ERC1: variants seen among roughly 807,000 people sequenced by gnomAD.
ERC1 encodes the protein RAB6 interacting protein 2.
Under a neutral mutation model 132.0 loss-of-function variants are expected in ERC1, and 56 were observed. The ratio of observed to expected loss-of-function variants is 0.42; its 90% CI spans 0.34 to 0.53. The LOEUF is 0.53. Ranked by LOEUF, ERC1 falls within the 20% of genes least tolerant of loss-of-function variation. ERC1 has a pLI of 0.03. For synonymous variants in ERC1, 478 were observed against 476.1 expected (o/e 1.00, Z -0.05); for missense variants, 1,202 against 1,349.9 (o/e 0.89, Z 1.72).
intron 14 of ERC1, among the ~76,000 whole-genome samples, chr12:1,283,949 T>C (rs553880231): frequency 6.6e-6 from 1 of 152,298 alleles, no homozygotes; most frequent in East Asian, 1.9e-4. Context: ...AAATTCACAA[T>C]AAATGATTTA....
intron 15 of ERC1, among the ~76,000 whole-genome samples, chr12:1,343,617 T>G (rs2084131178): frequency 1.3e-5 from 2 of 152,182 alleles, no homozygotes; most frequent in African/African-American, 4.8e-5. Context: ...TTTTCATCAG[T>G]CGTTCACTTA....
At chr12:1,188,967 CTG>C (rs1246528975) in intron 11 of ERC1, among the ~76,000 whole-genome samples, 1 of 152,160 alleles carries the variant, frequency 6.6e-6, no homozygotes, top group Non-Finnish European at 1.5e-5. Context: ...ATTATTGAAA[CTG>C]TTTTGTATTC....
chr12:1,347,406 T>C (rs1490470650), intron 15 of ERC1, among the ~76,000 whole-genome samples: 1 of 151,770 alleles, frequency 6.6e-6, no homozygotes, highest in Non-Finnish European at 1.5e-5. Context: ...TTTTGAAATA[T>C]GTATATTTTG....
intron 3 of ERC1, among the ~76,000 whole-genome samples, chr12:1,096,196 T>C (rs1944019098): frequency 1.3e-5 from 2 of 152,280 alleles, no homozygotes; most frequent in South Asian, 4.2e-4. Context: ...CCAAAGTGTT[T>C]GGATTACAGG....
chr12:1,381,487 C>A (rs1240001218), intron 16 of ERC1, among the ~76,000 whole-genome samples: 2 of 152,116 alleles, frequency 1.3e-5, no homozygotes, highest in Non-Finnish European at 2.9e-5. Flanking sequence ...ACGTGAGCCA[C>A]CACAGCCGTC....
At chr12:1,402,635 A>AC (rs200706846) in intron 16 of ERC1, among the ~76,000 whole-genome samples, 1 of 134,684 alleles carries the variant, frequency 7.4e-6, no homozygotes, top group African/African-American at 4.0e-5. Context: ...ACACACACAC[A>AC]CACACACACA....
At chr12:1,111,615 T>G (rs895304646) in intron 5 of ERC1, among the ~76,000 whole-genome samples, 1 of 152,106 alleles carries the variant, frequency 6.6e-6, no homozygotes, top group African/African-American at 2.4e-5. Flanking sequence ...AACTTTTTTT[T>G]TTTTTCTTTT....
chr12:1,185,031 C>T (rs924084662), intron 11 of ERC1, among the ~76,000 whole-genome samples: 6 of 152,168 alleles, frequency 3.9e-5, no homozygotes, highest in African/African-American at 1.4e-4. Context: ...CTGCCTCAGC[C>T]TCCAGAGTAG....
chr12:1,217,893 T>A (rs1444547470), intron 12 of ERC1, among the ~76,000 whole-genome samples: 1 of 152,200 alleles, frequency 6.6e-6, no homozygotes, highest in Non-Finnish European at 1.5e-5. Flanking sequence ...CTTCCTACAC[T>A]GCCTCTGCCC....
At chr12:1,179,012 T>C (rs1193478519) in intron 8 of ERC1, among the ~76,000 whole-genome samples, 1 of 152,250 alleles carries the variant, frequency 6.6e-6, no homozygotes, top group African/African-American at 2.4e-5. Context: ...TTCCTTTAGC[T>C]TATTAAGGAT....
Position 1,408,403 on chromosome 12 carries a change from A to G in ERC1, c.3024+156A>G, listed in dbSNP as rs529093495. ...AAACTCTACTCTTTTCAAAAAAATC[A>G]CAGATTCAGTTTCTTTATAGGAAGA... On this transcript the variant is annotated intron_variant, in intron 17 of 18. Transcript: ENST00000360905. Among the ~76,000 whole-genome samples, 15 of 149,712 alleles carry G rather than the reference A, an allele frequency of 1.0e-4. No homozygotes were observed. In the East Asian group the frequency reaches 2.7e-3, roughly 27 times the overall value.
chr12:1,132,650 A>C (rs943226378), intron 7 of ERC1, among the ~76,000 whole-genome samples: 7 of 152,144 alleles, frequency 4.6e-5, no homozygotes, highest in African/African-American at 1.7e-4. Context: ...CATCAGAATG[A>C]AAAACACTTA....
At chr12:1,441,813 C>T (rs541874551) in intron 17 of ERC1, among the ~76,000 whole-genome samples, 1 of 152,256 alleles carries the variant, frequency 6.6e-6, no homozygotes, top group Non-Finnish European at 1.5e-5. Context: ...GTAACAGAAC[C>T]GTGATGAGAC....
chr12:1,487,822 G>A (rs76023371), intron 18 of ERC1, among the ~76,000 whole-genome samples: 7,769 of 148,772 alleles, frequency 0.052, 657 homozygotes, highest in African/African-American at 0.18. Context: ...GAGAGAGAGA[G>A]AGAAAGAAAA....
intron 1 of ERC1, among the ~76,000 whole-genome samples, chr12:1,005,595 A>G (rs923207843): frequency 6.6e-6 from 1 of 152,174 alleles, no homozygotes; most frequent in African/African-American, 2.4e-5. Context: ...ACTGTAGTCA[A>G]TTTTATAGTA....
chr12:1,320,923 G>A (rs543681298), intron 15 of ERC1, among the ~76,000 whole-genome samples: 2 of 152,134 alleles, frequency 1.3e-5, no homozygotes, highest in Non-Finnish European at 2.9e-5. Context: ...GGATGGTCTT[G>A]ATCTCCTGAC....
intron 8 of ERC1, among the ~76,000 whole-genome samples, chr12:1,164,008 T>G (rs960815996): frequency 5.9e-5 from 9 of 152,166 alleles, no homozygotes; most frequent in African/African-American, 2.2e-4. Context: ...AGCCACCATG[T>G]CTGACCTACA....
chr12:1,468,347 A>G (rs1054224546), intron 18 of ERC1, among the ~76,000 whole-genome samples: 2 of 152,194 alleles, frequency 1.3e-5, no homozygotes, highest in African/African-American at 4.8e-5. Context: ...TCACGCCTGT[A>G]ATCCCAGCAC....
At chr12:1,381,194 T>C (rs1402927861) in intron 16 of ERC1, 1 of 152,242 alleles carries the variant, frequency 6.6e-6, no homozygotes, top group Non-Finnish European at 1.5e-5. Flanking sequence ...CCAGCTGTCC[T>C]GCATGATGTT....
Sources: allele counts gnomAD v4.1 joint callset (sites outside exome capture counted in the v4.1 genomes callset), GRCh38; gene constraint gnomAD v4.1.1; transcripts MANE v1.5; gene names NCBI Gene and HGNC (gene_info 2026-07-23, HGNC 2026-07-21).